TPST1: variants seen among roughly 807,000 people sequenced by gnomAD.
The protein encoded by TPST1 is tyrosylprotein sulfotransferase 1.
In TPST1, 20 loss-of-function variants were observed where a neutral mutation model predicts 34.8. The observed-to-expected ratio is 0.57, with a 90% CI of 0.40 to 0.84. TPST1 has a LOEUF of 0.84. TPST1 is among the 40% of genes least tolerant of loss of function. The pLI, the probability that TPST1 is intolerant of heterozygous loss-of-function variation, is 0.00. For missense variants in TPST1, 353 were observed against 455.5 expected (o/e 0.78, Z 2.05); for synonymous variants, 152 against 159.4 (o/e 0.95, Z 0.35).
intron 3 of TPST1, among the ~76,000 whole-genome samples, chr7:66,324,893 CA>C (rs772346458): frequency 2.4e-4 from 35 of 144,806 alleles, no homozygotes; most frequent in Non-Finnish European, 3.5e-4. Flanking sequence ...GCAAAAAAAA[CA>C]AGATTAAAAT....
chr7:66,219,245 G>C (rs1789490735), intron 1 of TPST1, among the ~76,000 whole-genome samples: 1 of 151,956 alleles, frequency 6.6e-6, no homozygotes, highest in Non-Finnish European at 1.5e-5. Context: ...TTTTCATAGA[G>C]AACATCACAA....
intron 3 of TPST1, among the ~76,000 whole-genome samples, chr7:66,295,858 C>T (rs1791181945): frequency 6.6e-6 from 1 of 152,082 alleles, no homozygotes. Flanking sequence ...CCTGGCTGAT[C>T]TCAAACTCCT....
At chr7:66,292,465 C>T (rs1198675736) in intron 3 of TPST1, among the ~76,000 whole-genome samples, 4 of 40,928 alleles carry the variant, frequency 9.8e-5, no homozygotes, top group South Asian at 1.3e-3. Flanking sequence ...GCCTCGCTGC[C>T]GCCTTGCAGT....
At chr7:66,311,677 T>C (rs953259292) in intron 3 of TPST1, among the ~76,000 whole-genome samples, 11 of 152,098 alleles carry the variant, frequency 7.2e-5, no homozygotes, top group Admixed American at 7.2e-4. Flanking sequence ...AGGAAGAAAA[T>C]ACAGGTAATT....
Position 66,286,574 on chromosome 7 carries a change from T to G in TPST1, c.909T>G (p.Val303=). Reference sequence around the variant, plus strand: ...ATGTAGGAGCTCTATCAAAATGGGTTGGGAAGATACCGCCAGATGTTTTAC... The same window carrying G: ...ATGTAGGAGCTCTATCAAAATGGGTGGGGAAGATACCGCCAGATGTTTTAC... ...PVNVGALSKW[V]GKIPPDVLQD... is the part of the protein sequence containing the mutation. The change falls in exon 3 of 6, where the codon GTT becomes GTG. Residue 303 remains valine, a synonymous_variant. Transcript: ENST00000304842. 6.2e-7 allele frequency: 1 copy of G among 1,610,542 alleles called. No homozygotes were observed. Among genetic ancestry groups the G allele is most frequent in the Non-Finnish European group, 8.5e-7 (1 of 1,177,858 alleles).
At chr7:66,254,847 A>G (rs1224699031) in intron 2 of TPST1, among the ~76,000 whole-genome samples, 1 of 152,098 alleles carries the variant, frequency 6.6e-6, no homozygotes, top group Non-Finnish European at 1.5e-5. Context: ...AAGCAACCTT[A>G]TTTTAAAACA....
At chr7:66,275,181 G>A (rs979114177) in intron 2 of TPST1, among the ~76,000 whole-genome samples, 12 of 151,990 alleles carry the variant, frequency 7.9e-5, no homozygotes, top group African/African-American at 2.2e-4. Flanking sequence ...GTGACAGAGC[G>A]AGACTCCGTC....
chr7:66,243,941 AT>A (rs55829208), intron 2 of TPST1, among the ~76,000 whole-genome samples: 2,768 of 116,168 alleles, frequency 0.024, 60 homozygotes, highest in African/African-American at 0.074. Flanking sequence ...ATTCTGGGAA[AT>A]TTTTTTTTTT....
Position 66,241,139 on chromosome 7 carries a change from C to G in TPST1, c.714C>G (p.His238Gln). ...GTTATAAAAAGTGCATGTTGGTTCACTATGAACAACTTGTCTTACATCCTG... is the reference window on the plus strand; with the variant it reads ...GTTATAAAAAGTGCATGTTGGTTCAGTATGAACAACTTGTCTTACATCCTG... ...EVGYKKCMLV[H>Q]YEQLVLHPER... Residue 238 changes from histidine to glutamine, a missense_variant, in exon 2 of 6, where the codon CAC (histidine) becomes CAG (glutamine). Coordinates refer to ENST00000304842, the MANE Select transcript of TPST1 (RefSeq NM_003596.4). 6.2e-7 allele frequency: 1 copy of G among 1,614,178 alleles called. No homozygotes were observed. Among genetic ancestry groups the G allele is most frequent in the Non-Finnish European group, 8.5e-7 (1 of 1,180,030 alleles).
chr7:66,222,380 C>T (rs940475112), intron 1 of TPST1, among the ~76,000 whole-genome samples: 38 of 147,602 alleles, frequency 2.6e-4, no homozygotes, highest in African/African-American at 9.3e-4. Context: ...AGTGAGACTC[C>T]GTTTCAAAAA....
At chr7:66,328,004 TCC>T (rs375946107) in intron 3 of TPST1, among the ~76,000 whole-genome samples, 2 of 140,186 alleles carry the variant, frequency 1.4e-5, no homozygotes, top group Non-Finnish European at 1.5e-5. Flanking sequence ...CTTTTTTTTT[TCC>T]TTTCCTTTTT....
intron 4 of TPST1, among the ~76,000 whole-genome samples, chr7:66,354,036 C>T (rs1318785577): frequency 1.3e-5 from 2 of 152,186 alleles, no homozygotes; most frequent in Non-Finnish European, 2.9e-5. Context: ...TACTATTCAT[C>T]CATTCATTCA....
rs1364412559 is a variant in TPST1 at position 66,360,162 on chromosome 7, T to G, written c.*297T>G. 8.7e-5 allele frequency: 28 copies of G among 320,920 alleles called. No individual in the cohort carries two copies. The highest frequency in any genetic ancestry group is 7.4e-4 in the South Asian group (28 of 37,924). The allele number at this position is 320,920 out of a possible 1,614,324, so 19.9% of individuals were successfully genotyped here. On this transcript the variant is annotated 3_prime_UTR_variant, in exon 6 of 6. Transcript: ENST00000304842. ...TCCTGTTAAAACTCCTCTTGTTCTCTTTTCTTACATTATGACGTTTGTTTT... is the reference window on the plus strand; with the variant it reads ...TCCTGTTAAAACTCCTCTTGTTCTCGTTTCTTACATTATGACGTTTGTTTT...
intron 1 of TPST1, among the ~76,000 whole-genome samples, 163 bp from the exon 2 acceptor site, chr7:66,240,162 C>T (rs1789998410): frequency 6.6e-6 from 1 of 152,112 alleles, no homozygotes. Context: ...GCTGGGATTA[C>T]AGGTGTGAGC....
intron 2 of TPST1, among the ~76,000 whole-genome samples, chr7:66,258,604 C>G (rs957010016): frequency 6.6e-6 from 1 of 152,216 alleles, no homozygotes; most frequent in South Asian, 2.1e-4. Flanking sequence ...CCACATCTCT[C>G]TGGCTCACAG....
At chr7:66,217,064 T>A (rs970152464) in intron 1 of TPST1, among the ~76,000 whole-genome samples, 1 of 152,226 alleles carries the variant, frequency 6.6e-6, no homozygotes, top group African/African-American at 2.4e-5. Flanking sequence ...ATACTTTATA[T>A]GTTTTCAGTG....
intron 1 of TPST1, among the ~76,000 whole-genome samples, chr7:66,211,494 C>T (rs10081219): frequency 0.038 from 5,798 of 152,236 alleles, 363 homozygotes; most frequent in African/African-American, 0.13. Context: ...ATCTTTTCAT[C>T]ACTGCCTTGC....
chr7:66,271,515 C>G (rs565825752), intron 2 of TPST1, among the ~76,000 whole-genome samples: 1 of 152,130 alleles, frequency 6.6e-6, no homozygotes, highest in Non-Finnish European at 1.5e-5. Flanking sequence ...ACCCTTTGAC[C>G]TACATCTCCC....
intron 2 of TPST1, among the ~76,000 whole-genome samples, chr7:66,267,798 C>T (rs1355953636): frequency 6.6e-6 from 1 of 152,094 alleles, no homozygotes; most frequent in Non-Finnish European, 1.5e-5. Context: ...GAGCAGCAGA[C>T]AAAACAAAAA....
Sources: gnomAD v4.1 joint callset for allele counts (sites outside exome capture counted in the v4.1 genomes callset) on GRCh38, gnomAD v4.1.1 for gene constraint, MANE v1.5 for transcripts, NCBI Gene and HGNC (gene_info 2026-07-23, HGNC 2026-07-21) for gene names.